Variants in FGF12 observed in about 807,000 individuals in gnomAD.
FGF12 encodes the protein fibroblast growth factor 12.
In FGF12, 14 loss-of-function variants were observed where a neutral mutation model predicts 23.6. The ratio of observed to expected loss-of-function variants is 0.59; its 90% confidence interval spans 0.39 to 0.93. FGF12 has a LOEUF of 0.93. Among genes scored for constraint, FGF12 ranks in the 40% least tolerant of loss-of-function variants. The pLI is 0.00. For missense variants in FGF12, 175 were observed against 217.8 expected (o/e 0.80, Z 1.24); for synonymous variants, 62 against 77.3 (o/e 0.80, Z 1.04).
intron 2 of FGF12, among the ~76,000 whole-genome samples, chr3:192,630,588 T>C (rs1238376522): frequency 6.6e-6 from 1 of 150,606 alleles, no homozygotes; most frequent in Non-Finnish European, 1.5e-5. Context: ...AGTCTTGCTC[T>C]GTCGCCCAGG....
At chr3:192,279,307 G>A (rs1197821773) in intron 4 of FGF12, among the ~76,000 whole-genome samples, 1 of 150,152 alleles carries the variant, frequency 6.7e-6, no homozygotes, top group African/African-American at 2.5e-5. Context: ...CACTCTGTGA[G>A]ATAAATATGT....
chr3:192,276,823 T>C lies in FGF12; in HGVS notation c.228+58538A>G, dbSNP rs1713819344. Among the ~76,000 whole-genome samples the C allele has an allele frequency of 2.0e-5, 3 of 152,100 alleles. No homozygotes were observed. In the South Asian group the frequency reaches 6.2e-4, roughly 32 times the overall value. On this transcript the variant is annotated intron_variant, in intron 4 of 5. Coordinates refer to ENST00000445105, the MANE Select transcript of FGF12 (RefSeq NM_004113.6). ...TAACTGTAGGTAATAAGATTCCCTT[T>C]CCAGAGAGGGTCCTCACCACACTCA... is the stretch of plus-strand genomic sequence containing the variant.
At chr3:192,585,470 T>G (rs1256056459) in intron 2 of FGF12, among the ~76,000 whole-genome samples, 1 of 152,146 alleles carries the variant, frequency 6.6e-6, no homozygotes, top group Non-Finnish European at 1.5e-5. Flanking sequence ...GTGGCAAGTT[T>G]CCTGCTCCCA....
At chr3:192,198,407 A>C (rs527295088) in intron 4 of FGF12, among the ~76,000 whole-genome samples, 4,286 of 152,286 alleles carry the variant, frequency 0.028, 85 homozygotes, top group Non-Finnish European at 0.036. Flanking sequence ...GATTGAGCAT[A>C]AAAACCACTG....
At chr3:192,524,072 C>T (rs1393105187) in intron 2 of FGF12, among the ~76,000 whole-genome samples, 1 of 151,806 alleles carries the variant, frequency 6.6e-6, no homozygotes, top group African/African-American at 2.4e-5. Context: ...AAAAAAAATA[C>T]AAAAAAGGGA....
chr3:192,502,703 C>T (rs965422546), intron 2 of FGF12, among the ~76,000 whole-genome samples: 4 of 152,310 alleles, frequency 2.6e-5, no homozygotes, highest in Admixed American at 2.6e-4. Flanking sequence ...GCTCTACCTT[C>T]AGTCATGTGG....
At chr3:192,328,788 G>A (rs1716959068) in intron 4 of FGF12, among the ~76,000 whole-genome samples, 1 of 152,134 alleles carries the variant, frequency 6.6e-6, no homozygotes, top group Admixed American at 6.5e-5. Context: ...GATTATAAGA[G>A]CAAACTATAA....
intron 4 of FGF12, among the ~76,000 whole-genome samples, chr3:192,302,692 C>A (rs886231803): frequency 1.5e-4 from 23 of 152,226 alleles, no homozygotes; most frequent in African/African-American, 5.5e-4. Flanking sequence ...GCTGTATCAA[C>A]CTGGACATAC....
chr3:192,444,584 C>A (rs1722295241), intron 2 of FGF12, among the ~76,000 whole-genome samples: 1 of 152,134 alleles, frequency 6.6e-6, no homozygotes, highest in Non-Finnish European at 1.5e-5. Flanking sequence ...AAGAATAATT[C>A]AAACAAGCCT....
intron 4 of FGF12, among the ~76,000 whole-genome samples, chr3:192,325,685 T>C (rs79008470): frequency 2.2e-3 from 342 of 152,310 alleles, no homozygotes; most frequent in Middle Eastern, 0.014. Flanking sequence ...GCGTATCTTT[T>C]TAGGATGGAA....
chr3:192,215,689 G>A (rs959901039), intron 4 of FGF12, among the ~76,000 whole-genome samples: 2 of 152,142 alleles, frequency 1.3e-5, no homozygotes, highest in African/African-American at 4.8e-5. Context: ...AGCCATCTCT[G>A]TACAGATTAG....
chr3:192,292,312 T>C (rs1348704152), intron 4 of FGF12, among the ~76,000 whole-genome samples: 1 of 152,060 alleles, frequency 6.6e-6, no homozygotes, highest in Non-Finnish European at 1.5e-5. Context: ...TTTTTTTTAG[T>C]GTTTGCAGAA....
At chr3:192,154,831 G>A (rs559886683) in intron 5 of FGF12, among the ~76,000 whole-genome samples, 2 of 146,566 alleles carry the variant, frequency 1.4e-5, no homozygotes, top group East Asian at 4.0e-4. Context: ...TTGAGCTGTG[G>A]TGGGCTCCAC....
intron 2 of FGF12, among the ~76,000 whole-genome samples, chr3:192,418,408 G>C (rs1016481757): frequency 2.6e-5 from 4 of 152,050 alleles, no homozygotes; most frequent in Non-Finnish European, 5.9e-5. Flanking sequence ...AAGTTGTTGG[G>C]TTTTCCTTAC....
Position 192,142,046 on chromosome 3 carries a change from A to C in FGF12, c.*1963T>G, listed in dbSNP as rs1010161400. The C allele has an allele frequency of 1.3e-5, 2 of 152,460 alleles. No homozygotes were observed. The highest frequency in any genetic ancestry group is 4.8e-5 in the African/African-American group (2 of 41,436). 9.4% of individuals were successfully genotyped at this position (152,460 alleles called of 1,614,324 possible). ...GCCCCAGGGGTATTCTTTTCCTAGAAGAGCAAGTCCATTTTTAGAAAATTT... is the reference window on the plus strand; with the variant it reads ...GCCCCAGGGGTATTCTTTTCCTAGACGAGCAAGTCCATTTTTAGAAAATTT... On this transcript the variant is annotated 3_prime_UTR_variant, in exon 6 of 6. Coordinates refer to ENST00000445105, the MANE Select transcript of FGF12 (RefSeq NM_004113.6).
intron 2 of FGF12, among the ~76,000 whole-genome samples, chr3:192,404,777 G>C (rs1338062389): frequency 6.6e-6 from 1 of 152,128 alleles, no homozygotes; most frequent in African/African-American, 2.4e-5. Flanking sequence ...TGTCTAAGGG[G>C]CCCATTAACC....
Position 192,352,218 on chromosome 3 carries a change from G to A in FGF12, c.124+8210C>T, listed in dbSNP as rs141348275. Among the ~76,000 whole-genome samples, 9 of 152,272 alleles carry A rather than the reference G, an allele frequency of 5.9e-5. No individual in the cohort carries two copies. The South Asian group carries it at 1.0e-3, about 18-fold the overall frequency. On this transcript the variant is annotated intron_variant, in intron 3 of 5. Transcript: ENST00000445105. ...CTCTGCTTTCCCTATTATATTAGGA[G>A]TCAGATCCCCATAGAAATAGGCTTC...
At chr3:192,616,944 G>C (rs1399966524) in intron 2 of FGF12, among the ~76,000 whole-genome samples, 1 of 151,906 alleles carries the variant, frequency 6.6e-6, no homozygotes, top group African/African-American at 2.4e-5. Context: ...AGAAAGTTTG[G>C]GGGACACAGG....
At chr3:192,187,904 G>A (rs1471645376) in intron 4 of FGF12, among the ~76,000 whole-genome samples, 2 of 152,182 alleles carry the variant, frequency 1.3e-5, no homozygotes, top group Non-Finnish European at 2.9e-5. Flanking sequence ...GGGGTCAACT[G>A]TGGTTACCAT....
Sources: allele counts gnomAD v4.1 joint callset (sites outside exome capture counted in the v4.1 genomes callset), GRCh38; gene constraint gnomAD v4.1.1; transcripts MANE v1.5; gene names NCBI Gene and HGNC (gene_info 2026-07-23, HGNC 2026-07-21).